The following TCFL5 variants were observed in gnomAD, a reference collection of about 807,000 sequenced individuals.
The protein encoded by TCFL5 is transcription factor-like 5 protein.
A neutral mutation model predicts 44.3 loss-of-function variants in TCFL5; 9 were observed. That is an observed-to-expected ratio of 0.20 (90% CI 0.12 to 0.35). The LOEUF is 0.35. Among genes scored for constraint, TCFL5 ranks in the 10% least tolerant of loss-of-function variants. TCFL5 has a pLI of 1.00. For synonymous variants in TCFL5, 319 were observed against 271.6 expected (o/e 1.17, Z -1.72); for missense variants, 603 against 613.4 (o/e 0.98, Z 0.18).
intron 5 of TCFL5, chr20:62,846,171 A>T (rs957427476): frequency 3.5e-5 from 36 of 1,027,422 alleles, no homozygotes; most frequent in Middle Eastern, 4.2e-4. Context: ...ACGATAATTT[A>T]AAAAAAAAGA....
chr20:62,853,942 T>A, intron 5 of TCFL5, 74 bp downstream of exon 5: 1 of 1,528,172 alleles, frequency 6.5e-7, no homozygotes, highest in Non-Finnish European at 9.0e-7. Context: ...GTTTGAGTTA[T>A]CCTTAGGAAA....
chr20:62,842,024 C>G lies in TCFL5; in HGVS notation c.1454G>C (p.Cys485Ser). ...GCTCTGTAAACTCCCCTGTGCAGGA[C>G]AGGTCACCAAGGAGTCCGGTCTGGT... Reference protein sequence around the residue: ...KLTRPDSLVTCPAQGSLQSSP... With the variant: ...KLTRPDSLVTSPAQGSLQSSP... Residue 485 changes from cysteine (C) to serine (S), a missense_variant, in exon 6 of 6, where the codon TGT becomes TCT. By Grantham distance (112) the Cys-to-Ser change is moderately radical. Coordinates refer to ENST00000335351, the MANE Select transcript of TCFL5 (RefSeq NM_006602.4). The surrounding 1 kb of genome is among the most constrained non-coding windows in gnomAD (Gnocchi z 4.3). 1 of 1,614,220 alleles carries G rather than the reference C, an allele frequency of 6.2e-7. No homozygotes were observed. Among genetic ancestry groups the G allele is most frequent in the Non-Finnish European group, 8.5e-7 (1 of 1,180,036 alleles).
At position 62,849,980 on chromosome 20, in the gene TCFL5, A is replaced by T. The variant is rs367857475; in HGVS notation, c.1380+4036T>A. Among the ~76,000 whole-genome samples the T allele has an allele frequency of 4.6e-5, 7 of 152,158 alleles. No individual in the cohort carries two copies. In the East Asian group the frequency reaches 1.2e-3, roughly 25 times the overall value. On this transcript the variant is annotated intron_variant, in intron 5 of 5. Coordinates refer to ENST00000335351, the MANE Select transcript of TCFL5 (RefSeq NM_006602.4). ...AAAAATAAAACAAAACAAAATAAACATTAAAATAAAAAAATTAGGCAGGTA... is the reference window on the plus strand; with the variant it reads ...AAAAATAAAACAAAACAAAATAAACTTTAAAATAAAAAAATTAGGCAGGTA...
chr20:62,854,000 C>T lies in TCFL5; in HGVS notation c.1380+16G>A, dbSNP rs750927717. ...AATTTGTAAAATTCTGAAAATCTAC[C>T]TGGCCTACCACTAACCTTTTTAAGA... is the stretch of plus-strand genomic sequence containing the variant. On this transcript the variant is annotated intron_variant, in intron 5 of 5. Transcript: ENST00000335351. 2.0e-5 allele frequency: 32 copies of T among 1,608,660 alleles called. No individual in the cohort carries two copies. Among genetic ancestry groups the T allele is most frequent in the Non-Finnish European group, 2.5e-5 (29 of 1,177,398 alleles).
chr20:62,851,528 T>C, intron 5 of TCFL5: 1 of 985,242 alleles, frequency 1.0e-6, no homozygotes, highest in Non-Finnish European at 1.2e-6. Context: ...TCAAAACAAA[T>C]CAACAGTCTA....
At chr20:62,852,969 T>C in intron 5 of TCFL5, 4 of 1,288,032 alleles carry the variant, frequency 3.1e-6, no homozygotes, top group African/African-American at 1.5e-5. Context: ...CGCAGAAGCA[T>C]GGTCACCCGG....
At chr20:62,851,035 G>C (rs2063803708) in intron 5 of TCFL5, among the ~76,000 whole-genome samples, 1 of 152,174 alleles carries the variant, frequency 6.6e-6, no homozygotes, top group African/African-American at 2.4e-5. Flanking sequence ...AGCAGTGCCT[G>C]GTCACACTGG....
chr20:62,859,229 G>A, intron 3 of TCFL5, 135 bp downstream of exon 3: 2 of 774,764 alleles, frequency 2.6e-6, no homozygotes, highest in Non-Finnish European at 4.1e-6. Context: ...AGACCCCTGA[G>A]ATACACAGAC....
At chr20:62,857,923 T>A (rs886879402) in intron 3 of TCFL5, among the ~76,000 whole-genome samples, 1 of 152,134 alleles carries the variant, frequency 6.6e-6, no homozygotes, top group African/African-American at 2.4e-5. Context: ...CCCCTCTTTT[T>A]AATTAACAGG....
Position 62,850,694 on chromosome 20 carries a change from C to T in TCFL5, c.1380+3322G>A, listed in dbSNP as rs142469940. On this transcript the variant is annotated intron_variant, in intron 5 of 5. Coordinates refer to ENST00000335351, the MANE Select transcript of TCFL5 (RefSeq NM_006602.4). ...ATGTCACTCACTGCCCAAAGACTGC[C>T]GAGGCCCCCAACCCTCAGGACTAGC... 2.8e-4 allele frequency among the ~76,000 whole-genome samples: 43 copies of T among 152,258 alleles called. 1 individual carries two copies. In the East Asian group the frequency reaches 7.7e-3, roughly 27 times the overall value.
At position 62,861,800 on chromosome 20, in the gene TCFL5, T is replaced by C. The variant is rs1444398737; in HGVS notation, c.-130A>G. 2 of 147,658 alleles carry C rather than the reference T, an allele frequency of 1.4e-5. No homozygotes were observed. Among genetic ancestry groups the C allele is most frequent in the African/African-American group, 4.9e-5 (2 of 40,750 alleles). 9.1% of individuals were successfully genotyped at this position (147,658 alleles called of 1,614,324 possible). A position where few individuals can be genotyped will look rare whatever the true frequency, so the allele number is the denominator to read the frequency against. On this transcript the variant is annotated 5_prime_UTR_variant, in exon 1 of 6. Coordinates refer to ENST00000335351, the MANE Select transcript of TCFL5 (RefSeq NM_006602.4). The surrounding 1 kb of genome is among the most constrained non-coding windows in gnomAD (Gnocchi z 4.0). ...GCGCCGGCCACAGCCGGCGCGCCGT[T>C]GGGGGAGGGAAAACCGCTGAGTGCC...
intron 4 of TCFL5, among the ~76,000 whole-genome samples, chr20:62,855,268 TC>T (rs1227295724): frequency 6.6e-6 from 1 of 152,144 alleles, no homozygotes; most frequent in Non-Finnish European, 1.5e-5. Context: ...CAAGTGATCC[TC>T]CCACACCTCA....
At chr20:62,858,409 G>A (rs2063929341) in intron 3 of TCFL5, among the ~76,000 whole-genome samples, 1 of 152,384 alleles carries the variant, frequency 6.6e-6, no homozygotes, top group African/African-American at 2.4e-5. Flanking sequence ...CTTAACCTGA[G>A]TAGTCGGCAC....
rs2063679248 is a variant in TCFL5 at position 62,841,446 on chromosome 20, G to A, written c.*529C>T. The A allele has an allele frequency of 6.5e-6, 1 of 153,830 alleles. No individual in the cohort carries two copies. Among genetic ancestry groups the A allele is most frequent in the African/African-American group, 2.4e-5 (1 of 41,452 alleles). 9.5% of individuals were successfully genotyped at this position (153,830 alleles called of 1,614,324 possible). Reference sequence around the variant, plus strand: ...TATCTGGAAAATTTTTAGCACACAGGTTTAAAATGGTCCTGCACGTTGCAA... The same window carrying A: ...TATCTGGAAAATTTTTAGCACACAGATTTAAAATGGTCCTGCACGTTGCAA... On this transcript the variant is annotated 3_prime_UTR_variant, in exon 6 of 6. Transcript: ENST00000335351.
chr20:62,846,738 G>C (rs568874270), intron 5 of TCFL5, among the ~76,000 whole-genome samples: 7 of 150,440 alleles, frequency 4.7e-5, no homozygotes, highest in Non-Finnish European at 1.0e-4. Flanking sequence ...ACTCCAGCCT[G>C]GGTGACAGAA....
intron 4 of TCFL5, among the ~76,000 whole-genome samples, chr20:62,855,446 C>A (rs981735726): frequency 6.6e-6 from 1 of 152,196 alleles, no homozygotes; most frequent in Admixed American, 6.5e-5. Context: ...GCACCCTGCC[C>A]CAGCAAGTTT....
Position 62,861,501 on chromosome 20 carries a change from A to G in TCFL5, c.170T>C (p.Leu57Pro). The change falls in exon 1 of 6, where the codon CTG becomes CCG. Residue 57 changes from leucine (L) to proline (P), a missense_variant. Physicochemically the swap from Leu to Pro is moderately conservative, Grantham distance 98. This residue lies in a region of TCFL5 where 540 missense variants were observed against 478.7 expected (regional missense o/e 1.13). Coordinates refer to ENST00000335351, the MANE Select transcript of TCFL5 (RefSeq NM_006602.4). The surrounding 1 kb of genome is among the most constrained non-coding windows in gnomAD (Gnocchi z 4.0). ...VEMTEVEYTQ[L>P]QHILCSHMEA... ...CATGTGCGAGCAGAGGATGTGCTGCAGCTGCGTGTACTCCACCTCCGTCAT... is the reference window on the plus strand; with the variant it reads ...CATGTGCGAGCAGAGGATGTGCTGCGGCTGCGTGTACTCCACCTCCGTCAT... 8.3e-7 allele frequency: 1 copy of G among 1,198,222 alleles called. No individual in the cohort carries two copies. The highest frequency in any genetic ancestry group is 1.1e-6 in the Non-Finnish European group (1 of 949,756). 74.2% of individuals were successfully genotyped at this position (1,198,222 alleles called of 1,614,324 possible). A position where few individuals can be genotyped will look rare whatever the true frequency, so the allele number is the denominator to read the frequency against.
intron 4 of TCFL5, among the ~76,000 whole-genome samples, chr20:62,857,047 G>A (rs1277212558): frequency 1.3e-5 from 2 of 152,182 alleles, no homozygotes; most frequent in African/African-American, 4.8e-5. Context: ...ATGGCTGGGG[G>A]CATGAGGGGC....
intron 3 of TCFL5, 133 bp from the exon 4 acceptor site, chr20:62,857,771 G>A: frequency 1.8e-6 from 2 of 1,096,446 alleles, no homozygotes; most frequent in Admixed American, 2.8e-5. Context: ...GAAACACAAA[G>A]AGATGTACTA....
Sources: allele counts gnomAD v4.1 joint callset (sites outside exome capture counted in the v4.1 genomes callset), GRCh38; gene constraint gnomAD v4.1.1; regional missense constraint gnomAD v4.1.1; non-coding constraint Gnocchi (gnomAD v3.1); transcripts MANE v1.5; gene names NCBI Gene and HGNC (gene_info 2026-07-23, HGNC 2026-07-21).